HDHD5: variants seen among roughly 807,000 people sequenced by gnomAD.
The protein encoded by HDHD5 is haloacid dehalogenase-like hydrolase domain-containing 5.
In HDHD5, 34 loss-of-function variants were observed where a neutral mutation model predicts 35.5. The ratio of observed to expected loss-of-function variants is 0.96; its 90% CI spans 0.73 to 1.28. The LOEUF (loss-of-function observed/expected upper bound fraction) is 1.28, where lower values mean the gene tolerates loss of function less well. Among genes scored for constraint, HDHD5 ranks in the 50% most tolerant of loss-of-function variants. The probability of loss-of-function intolerance (pLI) is 0.00; values close to 1 mark genes in which losing one functional copy is unlikely to be tolerated. For missense variants in HDHD5, 589 were observed against 560.2 expected (o/e 1.05, Z -0.52); for synonymous variants, 248 against 240.6 (o/e 1.03, Z -0.29).
chr22:17,156,948 G>C (rs1334585831), intron 1 of HDHD5, among the ~76,000 whole-genome samples: 1 of 151,880 alleles, frequency 6.6e-6, no homozygotes, highest in Non-Finnish European at 1.5e-5. Flanking sequence ...CGTGGTGGCA[G>C]GCGCCTGTAA....
At chr22:17,151,727 TAAAAAAAAAAA>T (rs59104154) in intron 1 of HDHD5, among the ~76,000 whole-genome samples, 3 of 113,120 alleles carry the variant, frequency 2.7e-5, no homozygotes, top group Non-Finnish European at 1.7e-5. Flanking sequence ...TAGACTCTAC[TAAAAAAAAAAA>T]AAAAAAAAAA....
At chr22:17,149,971 G>C (rs2061708455) in intron 1 of HDHD5, among the ~76,000 whole-genome samples, 1 of 152,018 alleles carries the variant, frequency 6.6e-6, no homozygotes, top group African/African-American at 2.4e-5. Context: ...CGCTTTTACA[G>C]AGTCTTCCCG....
At chr22:17,155,208 A>G (rs2061774444) in intron 1 of HDHD5, among the ~76,000 whole-genome samples, 1 of 151,988 alleles carries the variant, frequency 6.6e-6, no homozygotes, top group African/African-American at 2.4e-5. Flanking sequence ...GTCATTGCCT[A>G]AACAGTCACA....
At chr22:17,139,289 A>AGTCCAGAGGAGTCATGGAGAAGTAG (rs2061572377) in intron 6 of HDHD5, among the ~76,000 whole-genome samples, 1 of 152,132 alleles carries the variant, frequency 6.6e-6, no homozygotes, top group Non-Finnish European at 1.5e-5. Context: ...GCACTTTGGG[A>AGTCCAGAGGAGTCATGGAGAAGTAG]GGCCAAGGCA....
chr22:17,164,092 G>A (rs1485690089), upstream of HDHD5, among the ~76,000 whole-genome samples: 4 of 152,132 alleles, frequency 2.6e-5, no homozygotes, highest in Admixed American at 1.3e-4. Flanking sequence ...ATGGTGGCAC[G>A]CATCTGTAAT....
At chr22:17,161,182 G>A (rs1333129366), upstream of HDHD5, among the ~76,000 whole-genome samples, 1 of 148,336 alleles carries the variant, frequency 6.7e-6, no homozygotes, top group Non-Finnish European at 1.5e-5. Context: ...GGAGGTGGAG[G>A]TTGCAGTGAG....
chr22:17,158,125 A>C (rs2061820506), intron 1 of HDHD5, among the ~76,000 whole-genome samples: 1 of 152,230 alleles, frequency 6.6e-6, no homozygotes, highest in South Asian at 2.1e-4. Context: ...GTTCGAGACC[A>C]GCCTGGCCAA....
Position 17,143,148 on chromosome 22 carries a change from G to A in HDHD5, c.538-17C>T. On this transcript the variant is annotated splice_polypyrimidine_tract_variant and intron_variant, in intron 4 of 7. Coordinates refer to ENST00000336737, the MANE Select transcript of HDHD5 (RefSeq NM_033070.3). ...CGGGAGGGGCTGCAGAGAGACAAAG[G>A]AGAGGCTATCAACACAAGTCGCCTT... 1 of 1,607,298 alleles carries A rather than the reference G, an allele frequency of 6.2e-7. No homozygotes were observed. The highest frequency in any genetic ancestry group is 8.5e-7 in the Non-Finnish European group (1 of 1,177,412).
upstream of HDHD5, among the ~76,000 whole-genome samples, chr22:17,163,785 C>A (rs1264858357): frequency 6.6e-6 from 1 of 152,318 alleles, no homozygotes; most frequent in East Asian, 1.9e-4. Flanking sequence ...AGAAGATACA[C>A]TGTGGGAAGT....
upstream of HDHD5, chr22:17,159,479 G>C (rs2061845262): frequency 2.0e-6 from 1 of 507,920 alleles, no homozygotes; most frequent in Non-Finnish European, 3.7e-6. Flanking sequence ...ATCGCGGTGA[G>C]CTGGCCGCGG....
intron 6 of HDHD5, among the ~76,000 whole-genome samples, chr22:17,140,510 A>G (rs1331221720): frequency 6.6e-6 from 1 of 151,942 alleles, no homozygotes; most frequent in East Asian, 1.9e-4. Flanking sequence ...ACTTGAGGCC[A>G]GGAGTTCAAG....
At position 17,143,138 on chromosome 22, in the gene HDHD5, A is replaced by T. The variant is rs989692926; in HGVS notation, c.538-7T>A. On this transcript the variant is annotated splice_region_variant and splice_polypyrimidine_tract_variant and intron_variant, in intron 4 of 7. Coordinates refer to ENST00000336737, the MANE Select transcript of HDHD5 (RefSeq NM_033070.3). ...AGTCATTCCTCGGGAGGGGCTGCAG[A>T]GAGACAAAGGAGAGGCTATCAACAC... 1.2e-5 allele frequency: 20 copies of T among 1,608,666 alleles called. No homozygotes were observed. The highest frequency in any genetic ancestry group is 1.7e-5 in the Non-Finnish European group (20 of 1,177,864).
At position 17,141,124 on chromosome 22, in the gene HDHD5, G is replaced by C. The variant is rs1452871085; in HGVS notation, c.681C>G (p.Tyr227Ter). 1 of 1,596,266 alleles carries C rather than the reference G, an allele frequency of 6.3e-7. No individual in the cohort carries two copies. Among genetic ancestry groups the C allele is most frequent in the Non-Finnish European group, 8.5e-7 (1 of 1,172,966 alleles). The change falls in exon 6 of 8, where the codon TAC (tyrosine) becomes TAG (stop). Residue 227 changes from tyrosine (Y) to a stop codon, truncating the protein, a stop_gained. Transcript: ENST00000336737. LOFTEE classifies it high-confidence loss of function. ...TGCTGGCTAGGACGGGGAGGTGGGG[G>C]TAGGGGGGTGTTGCCAGGCCAGCCC... is the stretch of plus-strand genomic sequence containing the variant. ...SPGAGLATPP[Y>*]PHLPVLASNM...
chr22:17,161,660 G>A (rs2061864726), upstream of HDHD5, among the ~76,000 whole-genome samples: 1 of 151,724 alleles, frequency 6.6e-6, no homozygotes, highest in Non-Finnish European at 1.5e-5. Context: ...TTGAGTCCAG[G>A]AATGCCAGAC....
At chr22:17,143,031 A>G in intron 5 of HDHD5, 67 bp downstream of exon 5, 2 of 1,573,856 alleles carry the variant, frequency 1.3e-6, no homozygotes, top group Non-Finnish European at 1.7e-6. Context: ...TCACACTGAG[A>G]CAGCCTGAGG....
At chr22:17,144,575 A>T (rs143144623) in intron 4 of HDHD5, among the ~76,000 whole-genome samples, 6 of 152,114 alleles carry the variant, frequency 3.9e-5, no homozygotes, top group Non-Finnish European at 7.4e-5. Context: ...CACTGTGCCC[A>T]GCTAATTTTT....
chr22:17,149,645 T>A lies in HDHD5; in HGVS notation c.227A>T (p.Asn76Ile). Residue 76 changes from asparagine (N) to isoleucine (I), a missense_variant, in exon 2 of 8, where the codon AAC (asparagine) becomes ATC (isoleucine). Physicochemically the swap from Asn to Ile is moderately radical, Grantham distance 149. Coordinates refer to ENST00000336737, the MANE Select transcript of HDHD5 (RefSeq NM_033070.3). ...GGGCACCCGCAGCTGCCCCTGGGAG[T>A]TCACCAGCCTTCGGAAGGCTTTCAG... ...AALKAFRRLV[N>I]SQGQLRVPVV... The A allele has an allele frequency of 6.2e-7, 1 of 1,613,716 alleles. No individual in the cohort carries two copies.
intron 1 of HDHD5, among the ~76,000 whole-genome samples, chr22:17,157,816 T>C (rs2061816502): frequency 6.6e-6 from 1 of 152,206 alleles, no homozygotes. Context: ...GCTTAGACTC[T>C]GGCACCAGAC....
chr22:17,162,013 A>G (rs2061866411), upstream of HDHD5, among the ~76,000 whole-genome samples: 1 of 152,214 alleles, frequency 6.6e-6, no homozygotes, highest in South Asian at 2.1e-4. Flanking sequence ...CTAGGTCATA[A>G]AAGATACTGT....
Sources: gnomAD v4.1 joint callset for allele counts (sites outside exome capture counted in the v4.1 genomes callset) on GRCh38, gnomAD v4.1.1 for gene constraint, MANE v1.5 for transcripts, NCBI Gene and HGNC (gene_info 2026-07-23, HGNC 2026-07-21) for gene names.